LRRC37A2: variants seen among roughly 807,000 people sequenced by gnomAD.
LRRC37A2 encodes leucine rich repeat containing 37 member A2, also known as leucine-rich repeat-containing protein 37A2.
LRRC37A2 carries 9 observed loss-of-function variants against 68.8 expected under a neutral mutation model. The observed-to-expected ratio is 0.13, with a 90% CI of 0.08 to 0.23. The LOEUF (loss-of-function observed/expected upper bound fraction) is 0.23. Among genes scored for constraint, LRRC37A2 ranks in the 10% least tolerant of loss-of-function variants. The pLI, the probability that LRRC37A2 is intolerant of heterozygous loss-of-function variation, is 1.00. For missense variants in LRRC37A2, 168 were observed against 950.4 expected (o/e 0.18, Z 10.82); for synonymous variants, 63 against 367.6 (o/e 0.17, Z 9.48).
At chr17:46,878,650 A>G in the LRRC37A2 span, among the ~76,000 whole-genome samples, 536 of 152,004 alleles carry the variant, frequency 3.5e-3, 3 homozygotes, top group African/African-American at 0.012. Context: ...CGAGACCCCA[A>G]CTCTGCCTCC....
At chr17:46,870,559 G>T in the LRRC37A2 span, among the ~76,000 whole-genome samples, 11 of 152,236 alleles carry the variant, frequency 7.2e-5, no homozygotes, top group Admixed American at 6.5e-5. Context: ...GTCTCTGCTC[G>T]GAGGTTTCGG....
At chr17:46,923,476 G>A in the LRRC37A2 span, 1 of 1,392,174 alleles carries the variant, frequency 7.2e-7, no homozygotes, top group Non-Finnish European at 9.3e-7. Context: ...TACCTGCTGG[G>A]TAGACTGGGT....
At chr17:47,002,372 A>G in the LRRC37A2 span, among the ~76,000 whole-genome samples, 1 of 75,866 alleles carries the variant, frequency 1.3e-5, no homozygotes, top group Non-Finnish European at 3.3e-5. Context: ...ATACACTCTT[A>G]ATTATTTTTA....
At chr17:46,880,216 T>A in the LRRC37A2 span, among the ~76,000 whole-genome samples, 1 of 152,204 alleles carries the variant, frequency 6.6e-6, no homozygotes, top group Non-Finnish European at 1.5e-5. Context: ...CTGGTCTAGA[T>A]AAGCCCAGCT....
the LRRC37A2 span, among the ~76,000 whole-genome samples, chr17:46,727,944 T>G: frequency 6.6e-6 from 1 of 152,188 alleles, no homozygotes; most frequent in South Asian, 2.1e-4. Context: ...TTATAACATA[T>G]GTTGGCAAAT....
the LRRC37A2 span, among the ~76,000 whole-genome samples, chr17:46,747,956 T>C: frequency 6.6e-5 from 10 of 152,182 alleles, no homozygotes; most frequent in Admixed American, 6.5e-4. Context: ...TATGTAGTTT[T>C]CAAATTGCAG....
the LRRC37A2 span, among the ~76,000 whole-genome samples, chr17:46,730,918 C>A: frequency 1.6e-4 from 25 of 152,022 alleles, no homozygotes; most frequent in Non-Finnish European, 3.5e-4. Context: ...TAATGACAAG[C>A]GCTGGTGCAG....
At chr17:46,748,397 C>A in the LRRC37A2 span, among the ~76,000 whole-genome samples, 2 of 152,190 alleles carry the variant, frequency 1.3e-5, no homozygotes, top group Admixed American at 1.3e-4. Context: ...TAGGCATGAG[C>A]CACCACACCT....
chr17:46,543,536 A>T (rs1329958077), intron 8 of LRRC37A2, among the ~76,000 whole-genome samples: 2 of 151,020 alleles, frequency 1.3e-5, no homozygotes, highest in South Asian at 4.1e-4. Flanking sequence ...AGTTCCATTG[A>T]GTGATGATAG....
chr17:46,920,250 G>A, the LRRC37A2 span, among the ~76,000 whole-genome samples: 3 of 152,076 alleles, frequency 2.0e-5, no homozygotes, highest in Admixed American at 6.5e-5. Flanking sequence ...CCCTTCCCAC[G>A]GAAATGGTAC....
chr17:46,913,231 C>T, the LRRC37A2 span, among the ~76,000 whole-genome samples: 4 of 152,142 alleles, frequency 2.6e-5, no homozygotes, highest in Non-Finnish European at 2.9e-5. Flanking sequence ...GATACTTAGG[C>T]GAATAAGTTA....
the LRRC37A2 span, among the ~76,000 whole-genome samples, chr17:46,952,431 T>G: frequency 6.6e-6 from 1 of 152,056 alleles, no homozygotes; most frequent in Non-Finnish European, 1.5e-5. Context: ...CTATTCTCAC[T>G]AGCTACACGC....
chr17:46,763,702 C>G, the LRRC37A2 span: 1 of 151,976 alleles, frequency 6.6e-6, no homozygotes, highest in Non-Finnish European at 1.5e-5. Context: ...TACAGAGAAT[C>G]TGCAGGTGAG....
chr17:46,760,758 A>G, the LRRC37A2 span, among the ~76,000 whole-genome samples: 20 of 152,350 alleles, frequency 1.3e-4, no homozygotes, highest in Middle Eastern at 3.4e-3. Context: ...AAAACTTTTC[A>G]GCACCGACAG....
chr17:47,010,165 C>G, the LRRC37A2 span, among the ~76,000 whole-genome samples: 1 of 152,222 alleles, frequency 6.6e-6, no homozygotes, highest in Non-Finnish European at 1.5e-5. Context: ...GGATTGGAAT[C>G]CCATCCAGAC....
At chr17:46,550,384 T>C in intron 10 of LRRC37A2, 31 bp from the exon 10 acceptor site, 1 of 748,948 alleles carries the variant, frequency 1.3e-6, no homozygotes, top group South Asian at 2.2e-5. Flanking sequence ...GCTCTCATTC[T>C]GGTTTTTTTT....
At chr17:47,037,581 A>AT in the LRRC37A2 span, among the ~76,000 whole-genome samples, 2 of 152,150 alleles carry the variant, frequency 1.3e-5, no homozygotes, top group African/African-American at 4.8e-5. Flanking sequence ...CTGGTCTGTA[A>AT]TTTTTTGTGT....
chr17:47,033,679 A>C, the LRRC37A2 span, among the ~76,000 whole-genome samples: 5 of 152,354 alleles, frequency 3.3e-5, no homozygotes, highest in East Asian at 9.6e-4. Context: ...AATAGAAAGG[A>C]AACATAGCCC....
chr17:46,992,532 T>G, the LRRC37A2 span, among the ~76,000 whole-genome samples: 1 of 152,086 alleles, frequency 6.6e-6, no homozygotes, highest in African/African-American at 2.4e-5. Context: ...CCCCAGGGGT[T>G]CTAATGCAGT....
Sources: gnomAD v4.1 joint callset for allele counts (sites outside exome capture counted in the v4.1 genomes callset) on GRCh38, gnomAD v4.1.1 for gene constraint, MANE v1.5 for transcripts, NCBI Gene and HGNC (gene_info 2026-07-23, HGNC 2026-07-21) for gene names.